The following WHAMM variants were observed in gnomAD, a reference collection of about 807,000 sequenced individuals.
WHAMM encodes WASP homolog associated with actin, golgi membranes and microtubules.
A neutral mutation model predicts 76.5 loss-of-function variants in WHAMM; 67 were observed. That is an observed-to-expected ratio of 0.88 (90% confidence interval 0.72 to 1.07). WHAMM has a LOEUF of 1.07. WHAMM is among the 50% of genes least tolerant of loss of function. The pLI, the probability that WHAMM is intolerant of heterozygous loss-of-function variation, is 0.00. For synonymous variants in WHAMM, 419 were observed against 422.1 expected (o/e 0.99, Z 0.09); for missense variants, 1,021 against 1,051.1 (o/e 0.97, Z 0.40).
intron 1 of WHAMM, among the ~76,000 whole-genome samples, chr15:82,811,442 A>T (rs986033033): frequency 1.4e-4 from 22 of 152,192 alleles, no homozygotes; most frequent in Non-Finnish European, 2.8e-4. Context: ...TTAAAATCGA[A>T]CATGTTTATG....
In WHAMM at chr15:82,810,326, G is replaced by T; in HGVS notation, c.600G>T (p.Arg200=). 2 of 1,311,714 alleles carry T rather than the reference G, an allele frequency of 1.5e-6. No individual in the cohort carries two copies. The highest frequency in any genetic ancestry group is 1.9e-6 in the Non-Finnish European group (2 of 1,036,230). The allele number at this position is 1,311,714 out of a possible 1,614,324, so 81.3% of individuals were successfully genotyped here. Residue 200 remains arginine (R), a synonymous_variant, in exon 1 of 10, where the codon CGG becomes CGT. Coordinates refer to ENST00000286760, the MANE Select transcript of WHAMM (RefSeq NM_001080435.3). ...LRARWVEADA[R]LRQVIQGHGK... ...CGCGGTGGGTCGAGGCGGACGCGCG[G>T]CTGCGCCAGGTAAGCGAGGCCCGGT...
intron 5 of WHAMM, among the ~76,000 whole-genome samples, chr15:82,821,611 CTG>C (rs2050829767): frequency 6.6e-6 from 1 of 152,214 alleles, no homozygotes; most frequent in African/African-American, 2.4e-5. Flanking sequence ...GTTCCCATGA[CTG>C]TACCTTGGAA....
chr15:82,809,686 C>G lies in WHAMM; in HGVS notation c.-41C>G. ...TGACAGGCGGTGCGAGGAGGCCAGG[C>G]CCGCGCCCGCCGAGCCCTAGGGCCG... On this transcript the variant is annotated 5_prime_UTR_variant, in exon 1 of 10. Transcript: ENST00000286760. 7.4e-7 allele frequency: 1 copy of G among 1,342,776 alleles called. No homozygotes were observed. The highest frequency in any genetic ancestry group is 9.6e-7 in the Non-Finnish European group (1 of 1,037,794). 83.2% of individuals were successfully genotyped at this position (1,342,776 alleles called of 1,614,324 possible).
intron 2 of WHAMM, among the ~76,000 whole-genome samples, chr15:82,814,565 C>T (rs1462326535): frequency 1.3e-5 from 2 of 151,886 alleles, no homozygotes; most frequent in African/African-American, 4.8e-5. Flanking sequence ...ATTCTCTTGC[C>T]TCAGCCTCCC....
In WHAMM at chr15:82,835,503, C is replaced by T. The variant is rs7166145; in HGVS notation, c.*1967C>T. 6.6e-6 allele frequency: 1 copy of T among 152,402 alleles called. No homozygotes were observed. The highest frequency in any genetic ancestry group is 2.1e-4 in the South Asian group (1 of 4,832). The allele number at this position is 152,402 out of a possible 1,614,324, so 9.4% of individuals were successfully genotyped here. A position where few individuals can be genotyped will look rare whatever the true frequency, so the allele number is the denominator to read the frequency against. ...AGCTGGGAGGGGCGTGAGTCCCTTT[C>T]AGCAGCTGCAGCCTGGGTCTCCCTC... On this transcript the variant is annotated 3_prime_UTR_variant, in exon 10 of 10. Coordinates refer to ENST00000286760, the MANE Select transcript of WHAMM (RefSeq NM_001080435.3).
In WHAMM at chr15:82,813,168, T is replaced by C; in HGVS notation, c.675T>C (p.Asp225=). The change falls in exon 2 of 10, where the codon GAT becomes GAC. Residue 225 remains aspartate, a synonymous_variant. Coordinates refer to ENST00000286760, the MANE Select transcript of WHAMM (RefSeq NM_001080435.3). ...TAATGAACGTTTACCAAGAGGAAGA[T>C]GAAGCATACCAGGAATTGGTTACCG... ...VALMNVYQEE[D]EAYQELVTVA... 1.2e-6 allele frequency: 2 copies of C among 1,612,904 alleles called. No homozygotes were observed. The highest frequency in any genetic ancestry group is 1.1e-5 in the South Asian group (1 of 90,830).
In WHAMM at chr15:82,833,325, A is replaced by G. The variant is rs199695328; in HGVS notation, c.2219A>G (p.Asn740Ser). The G allele has an allele frequency of 4.9e-4, 791 of 1,613,916 alleles. No homozygotes were observed. The highest frequency in any genetic ancestry group is 6.6e-4 in the Non-Finnish European group (774 of 1,179,886). ...GTGCGCCCTCCCCACGCCTCAATCA[A>G]TGAGCACATTCTGGCTGCCATAAGG... ...PAVRPPHASI[N>S]EHILAAIRQG... The change falls in exon 10 of 10, where the codon AAT becomes AGT. Residue 740 changes from asparagine (N) to serine (S), a missense_variant. Physicochemically the swap from Asn to Ser is conservative, Grantham distance 46. This residue lies in a region of WHAMM where 509 missense variants were observed against 492.3 expected (regional missense o/e 1.03). Transcript: ENST00000286760.
chr15:82,822,652 G>A (rs2050848964), intron 5 of WHAMM, among the ~76,000 whole-genome samples: 2 of 152,168 alleles, frequency 1.3e-5, no homozygotes, highest in South Asian at 4.1e-4. Context: ...TGGCCAGGCT[G>A]GTCTTGAACT....
chr15:82,823,970 T>TA (rs2050883717), intron 6 of WHAMM, among the ~76,000 whole-genome samples: 4 of 152,238 alleles, frequency 2.6e-5, no homozygotes, highest in Admixed American at 2.6e-4. Flanking sequence ...ACAAAAGAAT[T>TA]ACAGATAACA....
At chr15:82,830,259 T>C (rs2051004183) in intron 8 of WHAMM, among the ~76,000 whole-genome samples, 1 of 152,138 alleles carries the variant, frequency 6.6e-6, no homozygotes, top group East Asian at 1.9e-4. Flanking sequence ...TTGAATAGAT[T>C]TGTCATAATT....
At chr15:82,815,916 T>G (rs1186593883) in intron 2 of WHAMM, among the ~76,000 whole-genome samples, 1 of 152,216 alleles carries the variant, frequency 6.6e-6, no homozygotes, top group Non-Finnish European at 1.5e-5. Flanking sequence ...TACCGTAGAT[T>G]AGTGGCTTAT....
chr15:82,829,090 G>A (rs780560510), intron 8 of WHAMM, among the ~76,000 whole-genome samples: 2 of 152,222 alleles, frequency 1.3e-5, no homozygotes, highest in Non-Finnish European at 2.9e-5. Context: ...TATCTATTGC[G>A]ATCAAGAAAG....
Position 82,833,769 on chromosome 15 carries a change from A to C in WHAMM, c.*233A>C. On this transcript the variant is annotated 3_prime_UTR_variant, in exon 10 of 10. Transcript: ENST00000286760. ...CAGTGGCGCCATCTCGGCTCACCGC[A>C]AGCTCCGCTTCCCAGGCTGGGGTGC... is the stretch of plus-strand genomic sequence containing the variant. 2.0e-6 allele frequency: 1 copy of C among 505,370 alleles called. No homozygotes were observed. Among genetic ancestry groups the C allele is most frequent in the Non-Finnish European group, 3.5e-6 (1 of 284,450 alleles). The allele number at this position is 505,370 out of a possible 1,614,324, so 31.3% of individuals were successfully genotyped here.
chr15:82,833,299 G>C lies in WHAMM; in HGVS notation c.2193G>C (p.Ala731=). The C allele has an allele frequency of 6.2e-7, 1 of 1,613,992 alleles. No individual in the cohort carries two copies. The highest frequency in any genetic ancestry group is 8.5e-7 in the Non-Finnish European group (1 of 1,179,880). ...RAPLRKVEVP[A]VRPPHASINE... is the part of the protein sequence containing the mutation. ...CTCTCCGGAAGGTGGAAGTGCCGGC[G>C]GTGCGCCCTCCCCACGCCTCAATCA... The change falls in exon 10 of 10, where the codon GCG becomes GCC. Residue 731 remains alanine (A), a synonymous_variant. Transcript: ENST00000286760.
At chr15:82,832,105 G>A (rs1325206223) in intron 9 of WHAMM, among the ~76,000 whole-genome samples, 3 of 152,206 alleles carry the variant, frequency 2.0e-5, no homozygotes, top group South Asian at 2.1e-4. Context: ...TGTCTAGATC[G>A]GACTTTGGAA....
Position 82,809,998 on chromosome 15 carries a change from A to G in WHAMM, c.272A>G (p.His91Arg). Residue 91 changes from histidine (H) to arginine (R), a missense_variant, in exon 1 of 10, where the codon CAC becomes CGC. Physicochemically the swap from His to Arg is conservative, Grantham distance 29. Coordinates refer to ENST00000286760, the MANE Select transcript of WHAMM (RefSeq NM_001080435.3). ...LLSAAGLRGA[H>R]RQLAALWPPL... is the part of the protein sequence containing the mutation. Reference sequence around the variant, plus strand: ...TCGGCCGCGGGGCTCCGCGGCGCGCACCGGCAGTTGGCGGCGCTGTGGCCG... The same window carrying G: ...TCGGCCGCGGGGCTCCGCGGCGCGCGCCGGCAGTTGGCGGCGCTGTGGCCG... 1 of 1,265,796 alleles carries G rather than the reference A, an allele frequency of 7.9e-7. No individual in the cohort carries two copies. The highest frequency in any genetic ancestry group is 3.3e-5 in the East Asian group (1 of 30,208). The allele number at this position is 1,265,796 out of a possible 1,614,324, so 78.4% of individuals were successfully genotyped here.
At chr15:82,829,544 G>C (rs952362621) in intron 8 of WHAMM, among the ~76,000 whole-genome samples, 1 of 152,244 alleles carries the variant, frequency 6.6e-6, no homozygotes, top group African/African-American at 2.4e-5. Context: ...CTGCATGGCT[G>C]TGTCTGCATC....
rs1005091760 is a variant in WHAMM, at chr15:82,809,761, G to C, written c.35G>C (p.Trp12Ser). The C allele has an allele frequency of 1.9e-6, 3 of 1,579,404 alleles. No individual in the cohort carries two copies. The African/African-American group carries it at 4.1e-5, about 21-fold the overall frequency. The change falls in exon 1 of 10, where the codon TGG becomes TCG. Residue 12 changes from tryptophan to serine, a missense_variant. Coordinates refer to ENST00000286760, the MANE Select transcript of WHAMM (RefSeq NM_001080435.3). ...EDEQPDSLEG[W>S]VPVREGLFAE... is the part of the protein sequence containing the mutation. ...GAGCAGCCTGACAGCCTGGAGGGCT[G>C]GGTGCCGGTCCGGGAGGGCCTCTTC... is the stretch of plus-strand genomic sequence containing the variant.
chr15:82,830,042 T>G, intron 8 of WHAMM, among the ~76,000 whole-genome samples: 1 of 152,206 alleles, frequency 6.6e-6, no homozygotes, highest in South Asian at 2.1e-4. Context: ...CTGTTATAGC[T>G]TCCACTTGGA....
Sources: allele counts gnomAD v4.1 joint callset (sites outside exome capture counted in the v4.1 genomes callset), GRCh38; gene constraint gnomAD v4.1.1; regional missense constraint gnomAD v4.1.1; transcripts MANE v1.5; gene names NCBI Gene and HGNC (gene_info 2026-07-23, HGNC 2026-07-21).